Variants in RAB3GAP2 observed in about 807,000 individuals in gnomAD.
RAB3GAP2 encodes the protein RAB3 GTPase activating non-catalytic protein subunit 2.
A neutral mutation model predicts 185.3 loss-of-function variants in RAB3GAP2; 87 were observed. The ratio of observed to expected loss-of-function variants is 0.47; its 90% CI spans 0.39 to 0.56. The LOEUF is 0.56. Among genes scored for constraint, RAB3GAP2 ranks in the 20% least tolerant of loss-of-function variants. RAB3GAP2 has a pLI of 0.00. For missense variants in RAB3GAP2, 1,492 were observed against 1,638.2 expected, an observed-to-expected ratio of 0.91 and a Z score of 1.54; for synonymous variants, 554 against 576.1, an observed-to-expected ratio of 0.96 and a Z score of 0.55.
At chr1:220,169,104 G>A (rs1436849352) in intron 24 of RAB3GAP2, among the ~76,000 whole-genome samples, 1 of 152,078 alleles carries the variant, frequency 6.6e-6, no homozygotes, top group Non-Finnish European at 1.5e-5. Context: ...TATTCAAATG[G>A]CATCCTTACC....
intron 33 of RAB3GAP2, 67 bp from the exon 34 acceptor site, chr1:220,151,831 G>T: frequency 6.7e-7 from 1 of 1,491,766 alleles, no homozygotes; most frequent in Non-Finnish European, 9.3e-7. Context: ...TATAGGAAAG[G>T]GGTTGCCAGT....
At chr1:220,242,860 C>T (rs577800218) in intron 1 of RAB3GAP2, among the ~76,000 whole-genome samples, 54 of 152,276 alleles carry the variant, frequency 3.5e-4, no homozygotes, top group African/African-American at 1.3e-3. Flanking sequence ...AATGCAGGCA[C>T]TTAGATGACA....
intron 2 of RAB3GAP2, among the ~76,000 whole-genome samples, chr1:220,224,125 A>G (rs1442081366): frequency 6.6e-6 from 1 of 152,170 alleles, no homozygotes; most frequent in Non-Finnish European, 1.5e-5. Context: ...TTCTAAGCAT[A>G]TATCATTTAA....
intron 24 of RAB3GAP2, among the ~76,000 whole-genome samples, chr1:220,169,451 A>G (rs1658133999): frequency 6.6e-6 from 1 of 152,222 alleles, no homozygotes; most frequent in African/African-American, 2.4e-5. Context: ...GCAGTTAGTG[A>G]ATCATGAAAG....
At chr1:220,193,088 T>A in intron 13 of RAB3GAP2, 152 bp downstream of exon 13, 1 of 852,966 alleles carries the variant, frequency 1.2e-6, no homozygotes. Context: ...CTGGACCAAG[T>A]GGTTGCTGAT....
intron 1 of RAB3GAP2, among the ~76,000 whole-genome samples, chr1:220,238,346 A>G (rs2102894834): frequency 6.6e-6 from 1 of 152,310 alleles, no homozygotes; most frequent in African/African-American, 2.4e-5. Context: ...TAGTGGCTAC[A>G]GTATAAGACA....
Position 220,153,919 on chromosome 1 carries a change from T to A in RAB3GAP2, c.3645+49A>T, listed in dbSNP as rs558398224. 2.5e-6 allele frequency: 4 copies of A among 1,606,084 alleles called. No homozygotes were observed. The South Asian group carries it at 4.5e-5, about 18-fold the overall frequency. ...AAAAGCCAGCTAGATTTTTCCCTTA[T>A]GTTTTTTTTTCCAAGAAACAAAAAC... On this transcript the variant is annotated intron_variant, in intron 32 of 34. Transcript: ENST00000358951.
chr1:220,167,958 T>G (rs1016723424), intron 24 of RAB3GAP2, among the ~76,000 whole-genome samples: 18 of 152,226 alleles, frequency 1.2e-4, no homozygotes, highest in African/African-American at 4.1e-4. Flanking sequence ...ATATGCTTTC[T>G]AAGTTCAAAA....
intron 21 of RAB3GAP2, among the ~76,000 whole-genome samples, chr1:220,177,611 A>G (rs1658317426): frequency 6.6e-6 from 1 of 152,182 alleles, no homozygotes; most frequent in African/African-American, 2.4e-5. Flanking sequence ...AGGTTGAAAT[A>G]CTAATGAAAA....
chr1:220,267,144 C>T lies in RAB3GAP2; in HGVS notation c.115+5079G>A. 20 of 1,223,206 alleles carry T rather than the reference C, an allele frequency of 1.6e-5. No homozygotes were observed. The South Asian group carries it at 2.3e-4, about 14-fold the overall frequency. 75.8% of individuals were successfully genotyped at this position (1,223,206 alleles called of 1,614,324 possible). On this transcript the variant is annotated intron_variant, in intron 1 of 34. Coordinates refer to ENST00000358951, the MANE Select transcript of RAB3GAP2 (RefSeq NM_012414.4). ...CTGATCCAAGAAGTAAGTTCTCTGG[C>T]TTAATGTCTCTATGAATAACTGTTT...
intron 2 of RAB3GAP2, among the ~76,000 whole-genome samples, chr1:220,224,493 T>C (rs999295555): frequency 2.0e-5 from 3 of 152,100 alleles, no homozygotes; most frequent in Non-Finnish European, 2.9e-5. Flanking sequence ...TTTACATATA[T>C]GGAAAAACCT....
intron 19 of RAB3GAP2, among the ~76,000 whole-genome samples, chr1:220,183,434 G>A (rs1482108291): frequency 6.7e-6 from 1 of 150,228 alleles, no homozygotes; most frequent in Non-Finnish European, 1.5e-5. Flanking sequence ...TTTTTTTTTT[G>A]TAGAGGCAGG....
rs1260555615 is a variant in RAB3GAP2 at position 220,153,977 on chromosome 1, T to C, written c.3636A>G (p.Val1212=). Residue 1212 remains valine (V), a synonymous_variant, in exon 32 of 35, where the codon GTA becomes GTG. Coordinates refer to ENST00000358951, the MANE Select transcript of RAB3GAP2 (RefSeq NM_012414.4). ...AATAGCTATAATTTACCTGTTGTCG[T>C]ACAGAAATAAAATTTGGATCCATTT... ...SGEMDPNFIS[V]RQQFLLKVVS... is the part of the protein sequence containing the mutation. 6.2e-7 allele frequency: 1 copy of C among 1,613,492 alleles called. No homozygotes were observed. The highest frequency in any genetic ancestry group is 2.2e-5 in the East Asian group (1 of 44,784).
chr1:220,211,458 T>C, intron 4 of RAB3GAP2: 3 of 448,240 alleles, frequency 6.7e-6, no homozygotes, highest in African/African-American at 2.0e-5. Flanking sequence ...ACATGCAAAC[T>C]GTATTTCTGC....
chr1:220,168,546 T>G (rs1658114728), intron 24 of RAB3GAP2, among the ~76,000 whole-genome samples: 1 of 152,064 alleles, frequency 6.6e-6, no homozygotes, highest in Non-Finnish European at 1.5e-5. Flanking sequence ...TACATGCATG[T>G]GCCACCATGC....
chr1:220,189,596 G>A, intron 17 of RAB3GAP2, 107 bp downstream of exon 17: 1 of 1,079,146 alleles, frequency 9.3e-7, no homozygotes. Flanking sequence ...AATGTGAAAA[G>A]AAGACTTCAG....
intron 1 of RAB3GAP2, among the ~76,000 whole-genome samples, chr1:220,254,952 C>CTTTTTTTTTTTTTT (rs59174009): frequency 7.6e-6 from 1 of 131,524 alleles, no homozygotes. Context: ...TCCATTTGTG[C>CTTTTTTTTTTTTTT]TTTTTTTTTT....
Position 220,272,376 on chromosome 1 carries a change from A to C in RAB3GAP2, c.-39T>G. On this transcript the variant is annotated 5_prime_UTR_variant, in exon 1 of 35. Coordinates refer to ENST00000358951, the MANE Select transcript of RAB3GAP2 (RefSeq NM_012414.4). ...CCCACTACGGCACTCACCTTACCTC[A>C]CCACGCCCTGCCCCCTCCACCCCAC... The C allele has an allele frequency of 1.1e-4, 164 of 1,440,266 alleles. No individual in the cohort carries two copies. The highest frequency in any genetic ancestry group is 1.3e-4 in the Non-Finnish European group (138 of 1,036,186). The allele number at this position is 1,440,266 out of a possible 1,614,324, so 89.2% of individuals were successfully genotyped here.
At chr1:220,156,672 G>A (rs1224026641) in intron 31 of RAB3GAP2, among the ~76,000 whole-genome samples, 1 of 152,152 alleles carries the variant, frequency 6.6e-6, no homozygotes, top group Non-Finnish European at 1.5e-5. Flanking sequence ...GCCTGAACTA[G>A]GGTTATAGTC....
Sources: allele counts gnomAD v4.1 joint callset (sites outside exome capture counted in the v4.1 genomes callset), GRCh38; gene constraint gnomAD v4.1.1; transcripts MANE v1.5; gene names NCBI Gene and HGNC (gene_info 2026-07-23, HGNC 2026-07-21).